ZBTB16: variants seen among roughly 807,000 people sequenced by gnomAD.
ZBTB16 encodes the protein zinc finger and BTB domain containing 16, also known as zinc finger and BTB domain-containing protein 16.
A neutral mutation model predicts 56.8 loss-of-function variants in ZBTB16; 8 were observed. That is an observed-to-expected ratio of 0.14 (90% confidence interval 0.08 to 0.25). ZBTB16 has a LOEUF of 0.25. ZBTB16 is among the 10% of genes least tolerant of loss of function. ZBTB16 has a pLI of 1.00. For synonymous variants in ZBTB16, 363 were observed against 368.5 expected (o/e 0.98, Z 0.17); for missense variants, 625 against 903.0 (o/e 0.69, Z 3.95).
At chr11:114,159,457 G>C (rs978391316) in intron 3 of ZBTB16, among the ~76,000 whole-genome samples, 1 of 152,160 alleles carries the variant, frequency 6.6e-6, no homozygotes, top group Non-Finnish European at 1.5e-5. Flanking sequence ...GATAGCTCAC[G>C]GCCTATATTC....
At chr11:114,217,268 A>G (rs963402435) in intron 4 of ZBTB16, among the ~76,000 whole-genome samples, 3 of 152,180 alleles carry the variant, frequency 2.0e-5, no homozygotes, top group African/African-American at 7.2e-5. Context: ...AGCCTTTAAA[A>G]AGGAAGTTAT....
chr11:114,216,881 A>G lies in ZBTB16; in HGVS notation c.1454-25286A>G, dbSNP rs1032632086. 3.9e-5 allele frequency among the ~76,000 whole-genome samples: 6 copies of G among 151,956 alleles called. No individual in the cohort carries two copies. In the East Asian group the frequency reaches 1.2e-3, roughly 29 times the overall value. ...TTGATTCAAGGAATTCAGAGTTGAG[A>G]GGAAGACAGACACATAAACAGGCAA... On this transcript the variant is annotated intron_variant, in intron 4 of 6. Coordinates refer to ENST00000335953, the MANE Select transcript of ZBTB16 (RefSeq NM_006006.6).
intron 2 of ZBTB16, among the ~76,000 whole-genome samples, chr11:114,112,982 A>C (rs1250043219): frequency 2.0e-5 from 3 of 152,102 alleles, no homozygotes; most frequent in Non-Finnish European, 4.4e-5. Context: ...TGCATTGCCC[A>C]GGCTGATCAT....
chr11:114,166,573 A>ACC (rs1263796591), intron 3 of ZBTB16, among the ~76,000 whole-genome samples: 2 of 152,196 alleles, frequency 1.3e-5, no homozygotes, highest in African/African-American at 4.8e-5. Flanking sequence ...GCCCGCACAG[A>ACC]CCATTACCTT....
intron 4 of ZBTB16, among the ~76,000 whole-genome samples, chr11:114,219,674 C>A (rs1436225834): frequency 6.6e-6 from 1 of 151,286 alleles, no homozygotes; most frequent in Non-Finnish European, 1.5e-5. Context: ...AAAAAAAAGT[C>A]TTTTAAACAG....
chr11:114,078,579 C>T (rs1321002666), intron 2 of ZBTB16, among the ~76,000 whole-genome samples: 1 of 151,988 alleles, frequency 6.6e-6, no homozygotes, highest in Non-Finnish European at 1.5e-5. Flanking sequence ...GTTTGCGGAT[C>T]GCAGAGGGTG....
chr11:114,111,706 C>G (rs1941010364), intron 2 of ZBTB16, among the ~76,000 whole-genome samples: 1 of 152,172 alleles, frequency 6.6e-6, no homozygotes, highest in Non-Finnish European at 1.5e-5. Flanking sequence ...ATTCTGACAC[C>G]TCTGTTTTGA....
intron 2 of ZBTB16, among the ~76,000 whole-genome samples, chr11:114,077,712 C>G (rs775231296): frequency 9.9e-5 from 15 of 152,170 alleles, no homozygotes; most frequent in African/African-American, 1.7e-4. Flanking sequence ...CCTGACACAC[C>G]TGCCCCTCCC....
chr11:114,107,136 T>A (rs1013901180), intron 2 of ZBTB16, among the ~76,000 whole-genome samples: 1 of 152,112 alleles, frequency 6.6e-6, no homozygotes, highest in African/African-American at 2.4e-5. Context: ...TCGCTCTGAT[T>A]TTCTAGGTGA....
chr11:114,092,756 T>TGCAA (rs1940239932), intron 2 of ZBTB16, among the ~76,000 whole-genome samples: 1 of 152,170 alleles, frequency 6.6e-6, no homozygotes. Flanking sequence ...TGGGGTTGGC[T>TGCAA]TGCACAGGGC....
At chr11:114,074,816 G>A (rs1208798423) in intron 2 of ZBTB16, among the ~76,000 whole-genome samples, 1 of 152,272 alleles carries the variant, frequency 6.6e-6, no homozygotes, top group Non-Finnish European at 1.5e-5. Flanking sequence ...GGCATAACCT[G>A]TGCGGGCCGG....
intron 2 of ZBTB16, among the ~76,000 whole-genome samples, chr11:114,154,816 G>A (rs530130101): frequency 2.0e-5 from 3 of 152,308 alleles, no homozygotes; most frequent in African/African-American, 7.2e-5. Flanking sequence ...ACAAAACAAT[G>A]TGATTGAGAA....
chr11:114,176,046 A>G (rs565157673), intron 3 of ZBTB16, among the ~76,000 whole-genome samples: 4 of 151,722 alleles, frequency 2.6e-5, no homozygotes, highest in Middle Eastern at 3.4e-3. Flanking sequence ...CCTCCATGCC[A>G]TATTTAGGGT....
chr11:114,150,740 G>A (rs1942259520), intron 2 of ZBTB16, among the ~76,000 whole-genome samples: 1 of 152,232 alleles, frequency 6.6e-6, no homozygotes. Context: ...AAGTACATAA[G>A]CTTTCCCTTT....
At chr11:114,129,971 T>C (rs1021294214) in intron 2 of ZBTB16, among the ~76,000 whole-genome samples, 1 of 152,328 alleles carries the variant, frequency 6.6e-6, no homozygotes, top group Admixed American at 6.5e-5. Context: ...AATATATCAG[T>C]GGATGAATTG....
At chr11:114,127,744 A>G (rs1941549324) in intron 2 of ZBTB16, among the ~76,000 whole-genome samples, 1 of 152,172 alleles carries the variant, frequency 6.6e-6, no homozygotes, top group African/African-American at 2.4e-5. Context: ...ATTGCTGGTG[A>G]AGCCTGAATC....
chr11:114,161,586 G>A (rs1299265344), intron 3 of ZBTB16, among the ~76,000 whole-genome samples: 3 of 152,184 alleles, frequency 2.0e-5, no homozygotes, highest in East Asian at 3.9e-4. Context: ...GAAAGGACTC[G>A]GTGAGGGGAA....
At chr11:114,211,793 G>A (rs994684563) in intron 4 of ZBTB16, among the ~76,000 whole-genome samples, 3 of 152,162 alleles carry the variant, frequency 2.0e-5, no homozygotes, top group Admixed American at 6.5e-5. Flanking sequence ...TGGGAGGGCA[G>A]AGCGCTTTAT....
intron 2 of ZBTB16, among the ~76,000 whole-genome samples, chr11:114,148,383 TCCTTCCTC>T (rs1942172001): frequency 8.1e-6 from 1 of 123,386 alleles, no homozygotes; most frequent in African/African-American, 3.5e-5. Context: ...CTTCCTTCCT[TCCTTCCTC>T]CTTCCCTCCC....
Sources: gnomAD v4.1 joint callset for allele counts (sites outside exome capture counted in the v4.1 genomes callset) on GRCh38, gnomAD v4.1.1 for gene constraint, MANE v1.5 for transcripts, NCBI Gene and HGNC (gene_info 2026-07-23, HGNC 2026-07-21) for gene names.